The following CD44 variants were observed in gnomAD, a reference collection of about 807,000 sequenced individuals.
The protein encoded by CD44 is CD44 antigen.
Under a neutral mutation model 88.8 loss-of-function variants are expected in CD44, and 49 were observed. The ratio of observed to expected loss-of-function variants is 0.55; its 90% CI spans 0.44 to 0.70. CD44 has a LOEUF of 0.70. Among genes scored for constraint, CD44 ranks in the 30% least tolerant of loss-of-function variants. The pLI, the probability that CD44 is intolerant of heterozygous loss-of-function variation, is 0.00. For missense variants in CD44, 883 were observed against 913.8 expected, an observed-to-expected ratio of 0.97 and a Z score of 0.43; for synonymous variants, 325 against 312.3, an observed-to-expected ratio of 1.04 and a Z score of -0.43.
At chr11:35,166,685 A>G (rs1406985476) in intron 1 of CD44, among the ~76,000 whole-genome samples, 1 of 152,246 alleles carries the variant, frequency 6.6e-6, no homozygotes, top group Non-Finnish European at 1.5e-5. Context: ...CCAGGCGCCA[A>G]GACGTTGGGG....
At chr11:35,214,654 C>A in intron 14 of CD44, 198 bp from the exon 15 acceptor site, 3 of 393,990 alleles carry the variant, frequency 7.6e-6, no homozygotes, top group Non-Finnish European at 1.4e-5. Flanking sequence ...AAAGTTCTAG[C>A]TCATTTATCA....
At chr11:35,176,498 T>G in intron 1 of CD44, 77 bp from the exon 2 acceptor site, 1 of 1,386,924 alleles carries the variant, frequency 7.2e-7, no homozygotes, top group Non-Finnish European at 9.9e-7. Context: ...TTTTAAGGAG[T>G]CTGTCCTAAA....
At chr11:35,224,936 T>C (rs552803068) in intron 17 of CD44, among the ~76,000 whole-genome samples, 1 of 152,300 alleles carries the variant, frequency 6.6e-6, no homozygotes, top group South Asian at 2.1e-4. Flanking sequence ...CGCATCGCCA[T>C]AATTTAGAAA....
chr11:35,209,956 T>C lies in CD44; in HGVS notation c.1517-9T>C. 1.3e-6 allele frequency: 2 copies of C among 1,551,006 alleles called. No individual in the cohort carries two copies. The highest frequency in any genetic ancestry group is 1.7e-6 in the Non-Finnish European group (2 of 1,144,860). ...AAATTAACACTGGATTCATTCCTCA[T>C]TGAAACAGAGCAGAGTAATTCTCAG... On this transcript the variant is annotated splice_polypyrimidine_tract_variant and intron_variant, in intron 12 of 17. Coordinates refer to ENST00000428726, the MANE Select transcript of CD44 (RefSeq NM_000610.4).
intron 2 of CD44, among the ~76,000 whole-genome samples, chr11:35,178,514 G>T (rs1431087358): frequency 2.0e-5 from 3 of 152,210 alleles, no homozygotes; most frequent in Non-Finnish European, 4.4e-5. Flanking sequence ...TAATGACCAA[G>T]TCCTCCTCAG....
At chr11:35,168,925 A>G (rs1166230022) in intron 1 of CD44, among the ~76,000 whole-genome samples, 1 of 152,246 alleles carries the variant, frequency 6.6e-6, no homozygotes, top group Non-Finnish European at 1.5e-5. Flanking sequence ...ATTCAGACAG[A>G]CAAAGCCAGT....
rs56253227 is a variant in CD44 at position 35,221,967 on chromosome 11, C to T, written c.2024+235C>T. 1.4e-4 allele frequency among the ~76,000 whole-genome samples: 22 copies of T among 152,226 alleles called. No individual in the cohort carries two copies. The East Asian group carries it at 1.5e-3, about 11-fold the overall frequency. ...CAGCTTAAGACATCTTTCTCTGCCC[C>T]GGTTTTTAGAGACAGGAGACACCTG... On this transcript the variant is annotated intron_variant, in intron 17 of 17. Transcript: ENST00000428726.
At position 35,178,053 on chromosome 11, in the gene CD44, G is replaced by A. The variant is rs75464990; in HGVS notation, c.233+1313G>A. 2.3e-3 allele frequency among the ~76,000 whole-genome samples: 346 copies of A among 152,314 alleles called. 2 individuals carry two copies. Among genetic ancestry groups the A allele is most frequent in the African/African-American group, 8.0e-3 (332 of 41,580 alleles). ...TGGGGGAATATGAAAGGAGCAGAGAGAGGGAGAAAGCTCTGGTGGCTACTG... is the reference window on the plus strand; with the variant it reads ...TGGGGGAATATGAAAGGAGCAGAGAAAGGGAGAAAGCTCTGGTGGCTACTG... On this transcript the variant is annotated intron_variant, in intron 2 of 17. Coordinates refer to ENST00000428726, the MANE Select transcript of CD44 (RefSeq NM_000610.4).
At chr11:35,209,747 T>C (rs1565138016) in intron 12 of CD44, among the ~76,000 whole-genome samples, 1 of 152,178 alleles carries the variant, frequency 6.6e-6, no homozygotes, top group Admixed American at 6.5e-5. Context: ...CCTTTGATGA[T>C]TATACTGAGA....
chr11:35,148,184 G>C (rs1393479758), intron 1 of CD44, among the ~76,000 whole-genome samples: 1 of 152,098 alleles, frequency 6.6e-6, no homozygotes, highest in Non-Finnish European at 1.5e-5. Flanking sequence ...TTCTGCCCAA[G>C]CCCCCAGCTC....
intron 1 of CD44, among the ~76,000 whole-genome samples, chr11:35,145,849 G>C (rs1367943519): frequency 6.6e-6 from 1 of 152,184 alleles, no homozygotes; most frequent in African/African-American, 2.4e-5. Flanking sequence ...CATCTGACCA[G>C]ATACTACCAT....
chr11:35,149,129 T>C (rs1035199584), intron 1 of CD44, among the ~76,000 whole-genome samples: 44 of 152,232 alleles, frequency 2.9e-4, no homozygotes, highest in African/African-American at 1.0e-3. Flanking sequence ...CTTCCAAATC[T>C]GGCCTCATGT....
At chr11:35,215,992 T>C (rs1202231176) in intron 15 of CD44, among the ~76,000 whole-genome samples, 1 of 150,912 alleles carries the variant, frequency 6.6e-6, no homozygotes, top group Non-Finnish European at 1.5e-5. Context: ...AGTACTATTA[T>C]TATCCCCATG....
At chr11:35,196,543 C>T (rs1946771372) in intron 5 of CD44, among the ~76,000 whole-genome samples, 2 of 152,076 alleles carry the variant, frequency 1.3e-5, no homozygotes, top group African/African-American at 4.8e-5. Context: ...CATTTAAGAT[C>T]CTTCCCTCTC....
chr11:35,194,430 A>T (rs879770308), intron 5 of CD44, among the ~76,000 whole-genome samples: 6 of 152,220 alleles, frequency 3.9e-5, no homozygotes, highest in Non-Finnish European at 8.8e-5. Context: ...AGTTACTTCA[A>T]CTGTGCACTC....
At chr11:35,169,228 A>G (rs969455689) in intron 1 of CD44, among the ~76,000 whole-genome samples, 1 of 152,188 alleles carries the variant, frequency 6.6e-6, no homozygotes, top group African/African-American at 2.4e-5. Context: ...TACTGGGAAT[A>G]TAATTGTGAA....
At chr11:35,204,439 T>C (rs1185687787) in intron 9 of CD44, 73 bp from the exon 10 acceptor site, 1 of 1,488,970 alleles carries the variant, frequency 6.7e-7, no homozygotes, top group Non-Finnish European at 9.2e-7. Context: ...GCCCTTAAAG[T>C]AGAAAGATAT....
At position 35,190,016 on chromosome 11, in the gene CD44, C is replaced by T. The variant is rs147518874; in HGVS notation, c.618C>T (p.Asp206=). The T allele has an allele frequency of 7.8e-5, 126 of 1,614,166 alleles. No homozygotes were observed. The highest frequency in any genetic ancestry group is 7.7e-4 in the African/African-American group (58 of 75,050). The change falls in exon 5 of 18, where the codon GAC becomes GAT. Residue 206 remains aspartate, a synonymous_variant. Transcript: ENST00000428726. ...YTFSTVHPIP[D]EDSPWITDST... ...TTTCTACTGTACACCCCATCCCAGA[C>T]GAAGACAGTCCCTGGATCACCGACA...
intron 1 of CD44, among the ~76,000 whole-genome samples, chr11:35,142,972 T>A (rs1858297793): frequency 6.6e-6 from 1 of 152,092 alleles, no homozygotes; most frequent in South Asian, 2.1e-4. Context: ...GGCATTTCTC[T>A]CATGTATCTC....
Sources: allele counts gnomAD v4.1 joint callset (sites outside exome capture counted in the v4.1 genomes callset), GRCh38; gene constraint gnomAD v4.1.1; transcripts MANE v1.5; gene names NCBI Gene and HGNC (gene_info 2026-07-23, HGNC 2026-07-21).